Variants in NCALD observed in about 807,000 individuals in gnomAD.
NCALD encodes neurocalcin-delta.
In NCALD, 10 loss-of-function variants were observed where a neutral mutation model predicts 18.6. That is an observed-to-expected ratio of 0.54 (90% CI 0.33 to 0.91). The LOEUF (loss-of-function observed/expected upper bound fraction) is 0.91, where lower values mean the gene tolerates loss of function less well. NCALD is among the 40% of genes least tolerant of loss of function. The pLI is 0.03. For missense variants in NCALD, 184 were observed against 247.6 expected, an observed-to-expected ratio of 0.74 and a Z score of 1.72; for synonymous variants, 88 against 87.4, an observed-to-expected ratio of 1.01 and a Z score of -0.04.
chr8:101,821,260 A>G (rs1179173297), intron 4 of NCALD, among the ~76,000 whole-genome samples: 1 of 152,262 alleles, frequency 6.6e-6, no homozygotes, highest in South Asian at 2.1e-4. Context: ...GATTTTTAAT[A>G]TATGTTAACT....
chr8:101,771,530 T>G (rs529355725), intron 1 of NCALD, among the ~76,000 whole-genome samples: 36 of 152,326 alleles, frequency 2.4e-4, no homozygotes, highest in Non-Finnish European at 4.7e-4. Context: ...TGCTTAGATA[T>G]TCACAAAGGT....
At chr8:101,750,431 T>C (rs1810607105) in intron 1 of NCALD, among the ~76,000 whole-genome samples, 1 of 152,144 alleles carries the variant, frequency 6.6e-6, no homozygotes, top group Non-Finnish European at 1.5e-5. Flanking sequence ...AAAAGGTACT[T>C]TGATTTCCCA....
chr8:101,697,823 C>T (rs1815071908), intron 2 of NCALD, among the ~76,000 whole-genome samples: 2 of 152,168 alleles, frequency 1.3e-5, no homozygotes, highest in Admixed American at 1.3e-4. Flanking sequence ...GACAAACCCA[C>T]AGCCAATATC....
chr8:101,729,028 C>T (rs1158915029), intron 1 of NCALD, among the ~76,000 whole-genome samples: 2 of 152,170 alleles, frequency 1.3e-5, no homozygotes, highest in Admixed American at 6.5e-5. Context: ...GTTCATTTAC[C>T]ATGACTTAGA....
At chr8:101,719,822 A>G (rs565297351) in intron 1 of NCALD, among the ~76,000 whole-genome samples, 174 bp from the exon 2 acceptor site, 2 of 152,220 alleles carry the variant, frequency 1.3e-5, no homozygotes, top group South Asian at 4.1e-4. Flanking sequence ...AAAATAATAG[A>G]AAGATAGGCC....
intron 1 of NCALD, among the ~76,000 whole-genome samples, chr8:102,111,861 T>C (rs556505644): frequency 3.2e-4 from 48 of 152,204 alleles, no homozygotes; most frequent in Non-Finnish European, 5.7e-4. Context: ...TACGTAAAAA[T>C]AGGGGAAGAA....
At chr8:101,936,572 A>G (rs1307598747) in intron 2 of NCALD, among the ~76,000 whole-genome samples, 1 of 152,198 alleles carries the variant, frequency 6.6e-6, no homozygotes, top group South Asian at 2.1e-4. Flanking sequence ...TGGTAAGAGC[A>G]AAGTCAGGGT....
At chr8:101,698,495 C>A (rs1815107146) in intron 2 of NCALD, among the ~76,000 whole-genome samples, 1 of 152,096 alleles carries the variant, frequency 6.6e-6, no homozygotes, top group South Asian at 2.1e-4. Flanking sequence ...GCAAAAAGAA[C>A]AAAGCTGGAA....
chr8:102,034,215 T>C (rs1245276902), intron 1 of NCALD, among the ~76,000 whole-genome samples: 1 of 152,162 alleles, frequency 6.6e-6, no homozygotes, highest in African/African-American at 2.4e-5. Context: ...GTGGTTAACT[T>C]TACAATTTAG....
chr8:102,119,658 G>T lies in NCALD; in HGVS notation c.-210+4579C>A, dbSNP rs146705730. Among the ~76,000 whole-genome samples, 36 of 152,316 alleles carry T rather than the reference G, an allele frequency of 2.4e-4. No homozygotes were observed. The East Asian group carries it at 6.7e-3, about 29-fold the overall frequency. On this transcript the variant is annotated intron_variant, in intron 1 of 6. Transcript: ENST00000311028. Reference sequence around the variant, plus strand: ...CTATGGCACAAAGCACTGTACTGGGGCTGCCTCAGGAAACAAAATGCAAGA... The same window carrying T: ...CTATGGCACAAAGCACTGTACTGGGTCTGCCTCAGGAAACAAAATGCAAGA...
At chr8:101,954,300 T>C (rs1484937154) in intron 2 of NCALD, among the ~76,000 whole-genome samples, 2 of 152,130 alleles carry the variant, frequency 1.3e-5, no homozygotes, top group Non-Finnish European at 2.9e-5. Flanking sequence ...TGAAAGTTCC[T>C]CGGTGAGTGA....
intron 1 of NCALD, among the ~76,000 whole-genome samples, chr8:102,084,869 CT>C (rs1824683724): frequency 1.3e-5 from 2 of 152,316 alleles, no homozygotes; most frequent in Admixed American, 1.3e-4. Context: ...AGTTTAACAA[CT>C]CCCTGACCAT....
chr8:101,725,869 G>A (rs948154589), intron 1 of NCALD, among the ~76,000 whole-genome samples: 4 of 152,190 alleles, frequency 2.6e-5, no homozygotes, highest in African/African-American at 7.2e-5. Flanking sequence ...AGATGAAGAC[G>A]TGCCATGGAG....
intron 2 of NCALD, among the ~76,000 whole-genome samples, chr8:102,002,376 G>A (rs1354720526): frequency 6.6e-6 from 1 of 152,116 alleles, no homozygotes; most frequent in Non-Finnish European, 1.5e-5. Context: ...GATTCATAAA[G>A]CAAGTTCTTA....
chr8:101,968,035 T>C (rs1820097589), intron 2 of NCALD, among the ~76,000 whole-genome samples: 1 of 152,164 alleles, frequency 6.6e-6, no homozygotes. Context: ...ATATGATTGG[T>C]TGCCCCTTAA....
intron 2 of NCALD, among the ~76,000 whole-genome samples, chr8:101,943,118 C>T (rs1819020560): frequency 6.6e-6 from 1 of 152,124 alleles, no homozygotes; most frequent in East Asian, 1.9e-4. Context: ...TTGGGGGGTT[C>T]TGGCATTGAG....
chr8:101,799,892 C>T (rs1198406559), intron 4 of NCALD, among the ~76,000 whole-genome samples: 1 of 152,088 alleles, frequency 6.6e-6, no homozygotes, highest in East Asian at 1.9e-4. Flanking sequence ...TTTTGCACTG[C>T]AGTTTTGCAA....
chr8:101,830,335 C>A (rs2131240053), intron 4 of NCALD, among the ~76,000 whole-genome samples: 1 of 152,158 alleles, frequency 6.6e-6, no homozygotes, highest in Admixed American at 6.5e-5. Flanking sequence ...CCGAGGCAGG[C>A]GGATCACCTG....
At chr8:101,716,161 C>T (rs779256495) in intron 2 of NCALD, among the ~76,000 whole-genome samples, 1 of 152,142 alleles carries the variant, frequency 6.6e-6, no homozygotes, top group Non-Finnish European at 1.5e-5. Flanking sequence ...AAATTCATGT[C>T]CTTTGCTGGG....
Sources: gnomAD v4.1 joint callset for allele counts (sites outside exome capture counted in the v4.1 genomes callset) on GRCh38, gnomAD v4.1.1 for gene constraint, MANE v1.5 for transcripts, NCBI Gene and HGNC (gene_info 2026-07-23, HGNC 2026-07-21) for gene names.